Variants in MBD5 observed in about 807,000 individuals in gnomAD.
MBD5 encodes the protein methyl-CpG binding domain protein 5.
A neutral mutation model predicts 117.3 loss-of-function variants in MBD5; 13 were observed. The ratio of observed to expected loss-of-function variants is 0.11; its 90% CI spans 0.07 to 0.18. The LOEUF (loss-of-function observed/expected upper bound fraction) is 0.18. Ranked by LOEUF, MBD5 falls within the 10% of genes least tolerant of loss-of-function variation. MBD5 has a pLI of 1.00. For synonymous variants in MBD5, 727 were observed against 766.4 expected (o/e 0.95, Z 0.85); for missense variants, 1,879 against 2,093.8 (o/e 0.90, Z 2.00).
intron 4 of MBD5, among the ~76,000 whole-genome samples, chr2:148,450,129 A>G (rs1429209856): frequency 6.6e-6 from 1 of 152,160 alleles, no homozygotes; most frequent in Admixed American, 6.6e-5. Flanking sequence ...TTTAATAGCT[A>G]TATATGACTA....
chr2:148,426,728 G>A (rs1705803316), intron 4 of MBD5, among the ~76,000 whole-genome samples: 2 of 152,104 alleles, frequency 1.3e-5, no homozygotes, highest in South Asian at 4.1e-4. Flanking sequence ...TACCATTCAG[G>A]ACATAGACAT....
intron 1 of MBD5, among the ~76,000 whole-genome samples, chr2:148,107,625 A>G (rs1553473107): frequency 6.6e-6 from 1 of 151,452 alleles, no homozygotes; most frequent in Non-Finnish European, 1.5e-5. Flanking sequence ...TAACTTATTC[A>G]TTGACTTTTT....
chr2:148,496,953 A>G (rs1039771503), intron 11 of MBD5, among the ~76,000 whole-genome samples: 1 of 152,202 alleles, frequency 6.6e-6, no homozygotes, highest in Non-Finnish European at 1.5e-5. Flanking sequence ...TTTACTCTAA[A>G]TTATTTATCA....
chr2:148,037,236 G>C (rs1364181821), intron 1 of MBD5, among the ~76,000 whole-genome samples: 1 of 151,844 alleles, frequency 6.6e-6, no homozygotes, highest in Admixed American at 6.6e-5. Flanking sequence ...ACCAAGTATT[G>C]ACTGGATTCT....
In MBD5 at chr2:148,515,516, G is replaced by A. The variant is rs1207514542; in HGVS notation, c.*2575G>A. ...GTGCTGTAACATTTTTTTAAATGTTGCACCTACTTTACAATTAAAAAATTG... is the reference window on the plus strand; with the variant it reads ...GTGCTGTAACATTTTTTTAAATGTTACACCTACTTTACAATTAAAAAATTG... On this transcript the variant is annotated 3_prime_UTR_variant, in exon 14 of 14. Transcript: ENST00000642680. 6.6e-6 allele frequency: 1 copy of A among 152,034 alleles called. No homozygotes were observed. The highest frequency in any genetic ancestry group is 2.4e-5 in the African/African-American group (1 of 41,412). The allele number at this position is 152,034 out of a possible 1,614,324, so 9.4% of individuals were successfully genotyped here. A position where few individuals can be genotyped will look rare whatever the true frequency, so the allele number is the denominator to read the frequency against.
At chr2:148,435,245 C>T (rs1706120364) in intron 4 of MBD5, among the ~76,000 whole-genome samples, 1 of 152,046 alleles carries the variant, frequency 6.6e-6, no homozygotes. Context: ...TTAATTGGGG[C>T]ATTTCGTCCA....
intron 1 of MBD5, among the ~76,000 whole-genome samples, chr2:148,143,527 C>T (rs1697368363): frequency 1.3e-5 from 2 of 152,162 alleles, no homozygotes; most frequent in African/African-American, 4.8e-5. Flanking sequence ...GCACAATGTG[C>T]AGGTTTGTTA....
chr2:148,332,280 G>T (rs1559027463), intron 3 of MBD5, among the ~76,000 whole-genome samples: 1 of 152,046 alleles, frequency 6.6e-6, no homozygotes, highest in Non-Finnish European at 1.5e-5. Context: ...TTATTATAAT[G>T]ATACAAACTC....
At chr2:148,479,634 C>G (rs957530601) in intron 8 of MBD5, among the ~76,000 whole-genome samples, 1 of 151,920 alleles carries the variant, frequency 6.6e-6, no homozygotes, top group African/African-American at 2.4e-5. Context: ...ATAGGGAAAC[C>G]TCACAATATT....
intron 1 of MBD5, among the ~76,000 whole-genome samples, chr2:148,083,736 T>C (rs1438901001): frequency 1.3e-5 from 2 of 152,174 alleles, no homozygotes; most frequent in African/African-American, 4.8e-5. Context: ...CAAGTGATTC[T>C]CCTGCCTCAG....
At chr2:148,316,214 A>G (rs905577406) in intron 3 of MBD5, among the ~76,000 whole-genome samples, 2 of 152,200 alleles carry the variant, frequency 1.3e-5, no homozygotes, top group African/African-American at 4.8e-5. Context: ...TTGACATGAG[A>G]TTTGGATGGG....
chr2:148,499,937 C>A (rs1574495266), intron 11 of MBD5, among the ~76,000 whole-genome samples: 1 of 152,278 alleles, frequency 6.6e-6, no homozygotes, highest in East Asian at 1.9e-4. Context: ...ACTAAACTTT[C>A]TTCTGAATAT....
chr2:148,436,892 C>A (rs1706171158), intron 4 of MBD5, among the ~76,000 whole-genome samples: 1 of 151,946 alleles, frequency 6.6e-6, no homozygotes, highest in African/African-American at 2.4e-5. Flanking sequence ...TGAAACTATG[C>A]CACTAGTTTA....
At chr2:148,508,231 G>C (rs1682103375) in intron 12 of MBD5, among the ~76,000 whole-genome samples, 1 of 152,024 alleles carries the variant, frequency 6.6e-6, no homozygotes, top group Non-Finnish European at 1.5e-5. Flanking sequence ...GAGATGACCA[G>C]GGCCCCTTGA....
intron 1 of MBD5, among the ~76,000 whole-genome samples, chr2:148,123,326 AC>A (rs1696813212): frequency 6.6e-6 from 1 of 152,252 alleles, no homozygotes; most frequent in Non-Finnish European, 1.5e-5. Flanking sequence ...GAGATTAGAA[AC>A]ATAATGTAGA....
intron 1 of MBD5, among the ~76,000 whole-genome samples, chr2:148,036,582 T>A (rs530493897): frequency 6.6e-6 from 1 of 152,248 alleles, no homozygotes; most frequent in South Asian, 2.1e-4. Flanking sequence ...GAATATCTTT[T>A]TTAGCCATCA....
At chr2:148,277,914 TA>T (rs1477063992) in intron 3 of MBD5, among the ~76,000 whole-genome samples, 1 of 152,226 alleles carries the variant, frequency 6.6e-6, no homozygotes. Flanking sequence ...ATAATTTGCA[TA>T]AAGTCAGATC....
At chr2:148,265,072 C>G (rs1700824708) in intron 3 of MBD5, 1 of 151,966 alleles carries the variant, frequency 6.6e-6, no homozygotes, top group African/African-American at 2.4e-5. Flanking sequence ...CACGCACACA[C>G]ACACACACAC....
chr2:148,133,062 GT>G (rs1256861897), intron 1 of MBD5, among the ~76,000 whole-genome samples: 2 of 152,116 alleles, frequency 1.3e-5, no homozygotes, highest in African/African-American at 4.8e-5. Flanking sequence ...TTATTGAAAA[GT>G]GGGGATATTG....
Sources: allele counts gnomAD v4.1 joint callset (sites outside exome capture counted in the v4.1 genomes callset), GRCh38; gene constraint gnomAD v4.1.1; transcripts MANE v1.5; gene names NCBI Gene and HGNC (gene_info 2026-07-23, HGNC 2026-07-21).